SLC41A3: variants seen among roughly 807,000 people sequenced by gnomAD.
The protein encoded by SLC41A3 is solute carrier family 41 member 3.
Under a neutral mutation model 45.4 loss-of-function variants are expected in SLC41A3, and 44 were observed. That is an observed-to-expected ratio of 0.97 (90% CI 0.76 to 1.25). The LOEUF is 1.25. Ranked by LOEUF, SLC41A3 falls within the 50% of genes most tolerant of loss-of-function variation. The probability of loss-of-function intolerance (pLI) is 0.00; values close to 1 mark genes in which losing one functional copy is unlikely to be tolerated. For synonymous variants in SLC41A3, 256 were observed against 252.4 expected, an observed-to-expected ratio of 1.01 and a Z score of -0.13; for missense variants, 550 against 600.6, an observed-to-expected ratio of 0.92 and a Z score of 0.88.
At chr3:126,092,274 AG>A (rs1945503640) in intron 1 of SLC41A3, among the ~76,000 whole-genome samples, 1 of 152,272 alleles carries the variant, frequency 6.6e-6, no homozygotes, top group South Asian at 2.1e-4. Context: ...AACCATTTAA[AG>A]GCCTTCTTAA....
chr3:126,076,285 C>A (rs1944876681), intron 1 of SLC41A3, among the ~76,000 whole-genome samples: 1 of 152,188 alleles, frequency 6.6e-6, no homozygotes, highest in Non-Finnish European at 1.5e-5. Context: ...CAGTAAGATA[C>A]CACCTAACAT....
chr3:126,044,895 CAA>C (rs57581225), intron 3 of SLC41A3, among the ~76,000 whole-genome samples: 484 of 82,246 alleles, frequency 5.9e-3, no homozygotes, highest in African/African-American at 8.5e-3. Context: ...GACTCCATCT[CAA>C]AAAAAAAAAA....
At position 126,022,899 on chromosome 3, in the gene SLC41A3, C is replaced by G; in HGVS notation, c.632G>C (p.Arg211Pro). The G allele has an allele frequency of 1.2e-6, 2 of 1,614,184 alleles. No individual in the cohort carries two copies. Among genetic ancestry groups the G allele is most frequent in the South Asian group, 1.1e-5 (1 of 91,076 alleles). The change falls in exon 6 of 11, where the codon CGA (arginine) becomes CCA (proline). Residue 211 changes from arginine (R) to proline (P), a missense_variant. Arg to Pro is a moderately radical substitution (Grantham distance 103). Transcript: ENST00000360370. Reference protein sequence around the residue: ...VLMVCIVIGARKLGVNPDNIA... With the variant: ...VLMVCIVIGAPKLGVNPDNIA... ...GTTGTCTGGGTTGACCCCGAGCTTTCGAGCACCAATCACTATACAGACCAT... is the reference window on the plus strand; with the variant it reads ...GTTGTCTGGGTTGACCCCGAGCTTTGGAGCACCAATCACTATACAGACCAT...
At position 126,033,587 on chromosome 3, in the gene SLC41A3, C is replaced by G. The variant is rs61430760; in HGVS notation, c.453+20G>C. The G allele has an allele frequency of 6.2e-7, 1 of 1,608,728 alleles. No individual in the cohort carries two copies. Among genetic ancestry groups the G allele is most frequent in the Non-Finnish European group, 8.5e-7 (1 of 1,178,398 alleles). Reference sequence around the variant, plus strand: ...TGGCTGCAGATTCAGAAGGGAGGGTCGGACAAGGTGAAGACTCACCTGGAT... The same window carrying G: ...TGGCTGCAGATTCAGAAGGGAGGGTGGGACAAGGTGAAGACTCACCTGGAT... On this transcript the variant is annotated intron_variant, in intron 4 of 10. Coordinates refer to ENST00000360370, the MANE Select transcript of SLC41A3 (RefSeq NM_017836.4).
intron 2 of SLC41A3, among the ~76,000 whole-genome samples, chr3:126,059,778 G>A (rs764307670): frequency 1.3e-5 from 2 of 152,214 alleles, no homozygotes; most frequent in Admixed American, 6.5e-5. Flanking sequence ...TGGTTTAAAG[G>A]CATCACCTGG....
chr3:126,086,408 GT>G (rs57316346), upstream of SLC41A3, among the ~76,000 whole-genome samples: 559 of 21,122 alleles, frequency 0.026, 35 homozygotes, highest in African/African-American at 0.067. Context: ...TTGTTTTCTT[GT>G]TTTTTTTTTT....
At chr3:126,041,539 G>A (rs958213655) in intron 3 of SLC41A3, among the ~76,000 whole-genome samples, 1 of 152,186 alleles carries the variant, frequency 6.6e-6, no homozygotes, top group African/African-American at 2.4e-5. Flanking sequence ...GGCACAAGAA[G>A]ATACTGAAAG....
intron 2 of SLC41A3, among the ~76,000 whole-genome samples, chr3:126,063,028 C>A (rs1323005232): frequency 6.6e-6 from 1 of 152,202 alleles, no homozygotes; most frequent in African/African-American, 2.4e-5. Flanking sequence ...CTCTCCTCCA[C>A]CCTGCACTGT....
At chr3:126,008,939 G>T in intron 9 of SLC41A3, 59 bp from the exon 10 acceptor site, 1 of 1,599,390 alleles carries the variant, frequency 6.3e-7, no homozygotes, top group South Asian at 1.1e-5. Flanking sequence ...TTTGGCATGT[G>T]ACAGTCCTCA....
At position 126,026,396 on chromosome 3, in the gene SLC41A3, G is replaced by C. The variant is rs963902456; in HGVS notation, c.537C>G (p.Ala179=). 2.1e-5 allele frequency: 33 copies of C among 1,588,686 alleles called. No individual in the cohort carries two copies. Among genetic ancestry groups the C allele is most frequent in the Non-Finnish European group, 2.7e-5 (32 of 1,166,888 alleles). ...GVVSREEVDV[A]KVELLCASSV... is the part of the protein sequence containing the mutation. ...TGCTGGCACACAGCAACTCCACCTTGGCGACATCCACTTCCTCTCGAGACA... is the reference window on the plus strand; with the variant it reads ...TGCTGGCACACAGCAACTCCACCTTCGCGACATCCACTTCCTCTCGAGACA... The change falls in exon 5 of 11, where the codon GCC becomes GCG. Residue 179 remains alanine, a synonymous_variant. Coordinates refer to ENST00000360370, the MANE Select transcript of SLC41A3 (RefSeq NM_017836.4). The surrounding 1 kb of genome is among the most constrained non-coding windows in gnomAD (Gnocchi z 4.2).
intron 10 of SLC41A3, among the ~76,000 whole-genome samples, chr3:126,007,881 G>C (rs1447849859): frequency 6.6e-6 from 1 of 152,232 alleles, no homozygotes; most frequent in South Asian, 2.1e-4. Flanking sequence ...TCCCTGCAAA[G>C]GCCCCAGACC....
intron 3 of SLC41A3, among the ~76,000 whole-genome samples, chr3:126,037,905 T>C (rs183326690): frequency 7.2e-4 from 109 of 152,084 alleles, no homozygotes; most frequent in African/African-American, 2.6e-3. Context: ...AAGAATGGTT[T>C]TGGGGCCAGG....
At chr3:126,055,342 G>A (rs1354554168) in intron 2 of SLC41A3, among the ~76,000 whole-genome samples, 3 of 151,962 alleles carry the variant, frequency 2.0e-5, no homozygotes, top group African/African-American at 7.2e-5. Context: ...GTGAAACCCC[G>A]TCTCTACTAA....
intron 3 of SLC41A3, among the ~76,000 whole-genome samples, chr3:126,041,182 C>G (rs539363844): frequency 1.3e-5 from 2 of 148,402 alleles, no homozygotes; most frequent in South Asian, 4.3e-4. Flanking sequence ...AGAATTCTAG[C>G]AGAAATGTAG....
chr3:126,056,278 C>T, intron 2 of SLC41A3: 1 of 1,541,074 alleles, frequency 6.5e-7, no homozygotes, highest in South Asian at 1.2e-5. Flanking sequence ...CCTCATGTCT[C>T]CAGCCTGCCC....
At chr3:126,008,687 C>T (rs772791024) in intron 10 of SLC41A3, 45 bp downstream of exon 10, 1 of 1,599,070 alleles carries the variant, frequency 6.3e-7, no homozygotes, top group Non-Finnish European at 8.6e-7. Flanking sequence ...AGCCTGCTGG[C>T]TGACTACACA....
intron 1 of SLC41A3, among the ~76,000 whole-genome samples, chr3:126,076,721 G>A (rs1944896144): frequency 6.6e-6 from 1 of 152,156 alleles, no homozygotes. Flanking sequence ...GCCTCACTCT[G>A]GGGATGACCA....
intron 2 of SLC41A3, among the ~76,000 whole-genome samples, chr3:126,062,392 A>G (rs1944116474): frequency 6.6e-6 from 1 of 152,208 alleles, no homozygotes; most frequent in African/African-American, 2.4e-5. Context: ...AAGGGACACT[A>G]GATACCTTTT....
rs952463319 is a variant in SLC41A3 at position 126,023,273 on chromosome 3, GGCT to G, written c.599-344_599-342del. 18 of 224,490 alleles carry G rather than the reference GGCT, an allele frequency of 8.0e-5. 1 individual carries two copies. Among genetic ancestry groups the G allele is most frequent in the Non-Finnish European group, 1.1e-4 (13 of 113,986 alleles). 13.9% of individuals were successfully genotyped at this position (224,490 alleles called of 1,614,324 possible). A position where few individuals can be genotyped will look rare whatever the true frequency, so the allele number is the denominator to read the frequency against. On this transcript the variant is annotated intron_variant, in intron 5 of 10. Coordinates refer to ENST00000360370, the MANE Select transcript of SLC41A3 (RefSeq NM_017836.4). ...AGCCCACAGCCCCATGCTGCATGAGGGCTGCTCCAAAGATGCTCGGAGCAATGG... is the reference window on the plus strand; with the variant it reads ...AGCCCACAGCCCCATGCTGCATGAGGGCTCCAAAGATGCTCGGAGCAATGG...
Sources: allele counts gnomAD v4.1 joint callset (sites outside exome capture counted in the v4.1 genomes callset), GRCh38; gene constraint gnomAD v4.1.1; non-coding constraint Gnocchi (gnomAD v3.1); transcripts MANE v1.5; gene names NCBI Gene and HGNC (gene_info 2026-07-23, HGNC 2026-07-21).